The following RAB32 variants were observed in gnomAD, a reference collection of about 807,000 sequenced individuals.
The protein encoded by RAB32 is RAB32, member RAS oncogene family, also known as ras-related protein Rab-32.
RAB32 carries 17 observed loss-of-function variants against 17.5 expected under a neutral mutation model. The observed-to-expected ratio is 0.97, with a 90% CI of 0.67 to 1.46. The LOEUF (loss-of-function observed/expected upper bound fraction) is 1.46, where lower values mean the gene tolerates loss of function less well. RAB32 is among the 40% of genes most tolerant of loss of function. The probability of loss-of-function intolerance (pLI) is 0.00; values close to 1 mark genes in which losing one functional copy is unlikely to be tolerated. For synonymous variants in RAB32, 115 were observed against 111.1 expected (o/e 1.04, Z -0.22); for missense variants, 288 against 284.3 (o/e 1.01, Z -0.09).
intron 2 of RAB32, among the ~76,000 whole-genome samples, chr6:146,552,756 A>G (rs1779912431): frequency 6.6e-6 from 1 of 152,180 alleles, no homozygotes; most frequent in Admixed American, 6.5e-5. Context: ...TTTAAATATC[A>G]TTCTCCAGTA....
intron 2 of RAB32, among the ~76,000 whole-genome samples, chr6:146,552,574 G>A (rs770855309): frequency 6.6e-5 from 10 of 152,124 alleles, no homozygotes; most frequent in Non-Finnish European, 1.5e-4. Context: ...ATATATATGT[G>A]AGTGTGTATA....
In RAB32 at chr6:146,554,484, G is replaced by A. The variant is rs191765199; in HGVS notation, c.557G>A (p.Arg186Gln). 28 of 1,612,616 alleles carry A rather than the reference G, an allele frequency of 1.7e-5. No homozygotes were observed. Among genetic ancestry groups the A allele is most frequent in the Non-Finnish European group, 2.1e-5 (25 of 1,179,478 alleles). ...KDNINIEEAA[R>Q]FLVEKILVNH... The stretch of plus-strand genomic sequence containing the variant: ...AACATAAACATAGAGGAAGCTGCCC[G>A]GTTCCTAGTGGAGAAGATTCTTGTA... Residue 186 changes from arginine to glutamine, a missense_variant, in exon 3 of 3, where the codon CGG becomes CAG. Transcript: ENST00000367495.
intron 1 of RAB32, among the ~76,000 whole-genome samples, chr6:146,544,338 G>A (rs1779794337): frequency 6.6e-6 from 1 of 152,130 alleles, no homozygotes; most frequent in South Asian, 2.1e-4. Context: ...AGCAGGTCCT[G>A]CACGCCAGAG....
chr6:146,550,669 A>T lies in RAB32; in HGVS notation c.528+928A>T, dbSNP rs183666243. Reference sequence around the variant, plus strand: ...GAGACCCCATCTCAAAAAAAAAAAAATCTTAATAGTCTAGATATAGAAAAA... The same window carrying T: ...GAGACCCCATCTCAAAAAAAAAAAATTCTTAATAGTCTAGATATAGAAAAA... On this transcript the variant is annotated intron_variant, in intron 2 of 2. Transcript: ENST00000367495. Among the ~76,000 whole-genome samples the T allele has an allele frequency of 3.8e-3, 560 of 147,230 alleles. 6 individuals are homozygous for T. Among genetic ancestry groups the T allele is most frequent in the African/African-American group, 0.013 (537 of 39,834 alleles).
chr6:146,552,915 C>T (rs191693021), intron 2 of RAB32, among the ~76,000 whole-genome samples: 158 of 152,238 alleles, frequency 1.0e-3, no homozygotes, highest in African/African-American at 3.5e-3. Flanking sequence ...CAGGATACTG[C>T]CATACAAGCT....
chr6:146,549,536 T>C lies in RAB32; in HGVS notation c.323T>C (p.Ile108Thr), dbSNP rs759012833. The C allele has an allele frequency of 6.2e-7, 1 of 1,614,162 alleles. No homozygotes were observed. The highest frequency in any genetic ancestry group is 1.1e-5 in the South Asian group (1 of 91,090). The change falls in exon 2 of 3, where the codon ATA (isoleucine) becomes ACA (threonine). Residue 108 changes from isoleucine (I) to threonine (T), a missense_variant. By Grantham distance (89) the Ile-to-Thr change is moderately conservative. Coordinates refer to ENST00000367495, the MANE Select transcript of RAB32 (RefSeq NM_006834.5). ...EAVGAFVVFD[I>T]SRSSTFEAVL... is the part of the protein sequence containing the mutation. The stretch of plus-strand genomic sequence containing the variant: ...GTTGGTGCTTTTGTAGTCTTTGATA[T>C]ATCAAGAAGTTCCACATTTGAGGCA...
chr6:146,546,047 A>G (rs1388730380), intron 1 of RAB32, among the ~76,000 whole-genome samples: 1 of 152,224 alleles, frequency 6.6e-6, no homozygotes, highest in African/African-American at 2.4e-5. Flanking sequence ...GGAGTAAGAT[A>G]CAAATTTTCT....
chr6:146,544,324 T>C (rs1382223305), intron 1 of RAB32, among the ~76,000 whole-genome samples: 2 of 151,380 alleles, frequency 1.3e-5, no homozygotes, highest in African/African-American at 4.9e-5. Context: ...GCAGTAGGAG[T>C]TGGAGCAGGT....
intron 1 of RAB32, among the ~76,000 whole-genome samples, chr6:146,546,751 TAA>T (rs1779826889): frequency 6.6e-6 from 1 of 150,608 alleles, no homozygotes; most frequent in Admixed American, 6.6e-5. Flanking sequence ...TTGCCATAAC[TAA>T]GTTAAGGTGT....
intron 1 of RAB32, among the ~76,000 whole-genome samples, chr6:146,549,056 A>C (rs1372795527): frequency 6.6e-6 from 1 of 152,132 alleles, no homozygotes; most frequent in African/African-American, 2.4e-5. Context: ...CATGTTACCC[A>C]CTGCACTTAT....
intron 1 of RAB32, among the ~76,000 whole-genome samples, chr6:146,546,782 GTTTTTTTTTTTTT>G (rs962778741): frequency 1.7e-5 from 2 of 118,518 alleles, no homozygotes; most frequent in Non-Finnish European, 3.4e-5. Context: ...TACTAGTTAG[GTTTTTTTTTTTTT>G]TTTTTTTTTG....
At chr6:146,552,605 CAT>C (rs1480053846) in intron 2 of RAB32, among the ~76,000 whole-genome samples, 14 of 152,198 alleles carry the variant, frequency 9.2e-5, no homozygotes, top group African/African-American at 2.4e-4. Context: ...TGTACACACA[CAT>C]ATGTGTAAAC....
In RAB32 at chr6:146,554,561, G is replaced by T. The variant is rs373922099; in HGVS notation, c.634G>T (p.Asp212Tyr). ...AAACGATGTGGACAAAATTAAGCTA[G>T]ATCAAGAGACCTTGAGAGCAGAGAA... ...EENDVDKIKL[D>Y]QETLRAENKS... The change falls in exon 3 of 3, where the codon GAT (aspartate) becomes TAT (tyrosine). Residue 212 changes from aspartate to tyrosine, a missense_variant. By Grantham distance (160) the Asp-to-Tyr change is radical (BLOSUM62 -3). Coordinates refer to ENST00000367495, the MANE Select transcript of RAB32 (RefSeq NM_006834.5). 3.1e-6 allele frequency: 5 copies of T among 1,613,652 alleles called. No homozygotes were observed. The Admixed American group carries it at 8.3e-5, about 27-fold the overall frequency.
At chr6:146,551,006 A>G (rs1195190427) in intron 2 of RAB32, among the ~76,000 whole-genome samples, 3 of 152,162 alleles carry the variant, frequency 2.0e-5, no homozygotes, top group Non-Finnish European at 4.4e-5. Context: ...TAGCTCTACT[A>G]GAAACTTACC....
chr6:146,550,738 C>T (rs566584509), intron 2 of RAB32, among the ~76,000 whole-genome samples: 1 of 143,940 alleles, frequency 6.9e-6, no homozygotes, highest in Non-Finnish European at 1.5e-5. Context: ...GGGGGGGTTA[C>T]GTGCATTGGA....
At position 146,551,597 on chromosome 6, in the gene RAB32, A is replaced by AT. The variant is rs1004661450; in HGVS notation, c.528+1856_528+1857insT. Among the ~76,000 whole-genome samples the AT allele has an allele frequency of 5.3e-5, 8 of 150,254 alleles. 1 individual carries two copies. The highest frequency in any genetic ancestry group is 7.5e-5 in the African/African-American group (3 of 39,910). On this transcript the variant is annotated intron_variant, in intron 2 of 2. Coordinates refer to ENST00000367495, the MANE Select transcript of RAB32 (RefSeq NM_006834.5). ...CAGCTTTGCTGTAAAAAGACGAAAA[A>AT]AAAAAAAGGGGCAGTAAGTATAACT...
At chr6:146,554,162 C>T (rs1779929931) in intron 2 of RAB32, among the ~76,000 whole-genome samples, 2 of 151,906 alleles carry the variant, frequency 1.3e-5, no homozygotes, top group Non-Finnish European at 2.9e-5. Flanking sequence ...AATTGCAGCC[C>T]AGAGCAAAGA....
intron 1 of RAB32, among the ~76,000 whole-genome samples, chr6:146,546,859 T>G (rs1240833863): frequency 6.7e-6 from 1 of 150,000 alleles, no homozygotes; most frequent in Admixed American, 6.7e-5. Context: ...ATCTCTATGC[T>G]TGAAAGCTGT....
chr6:146,545,646 C>T (rs1407621880), intron 1 of RAB32, among the ~76,000 whole-genome samples: 1 of 152,172 alleles, frequency 6.6e-6, no homozygotes, highest in Non-Finnish European at 1.5e-5. Context: ...AGTAATCAGC[C>T]AGGGACTCAG....
Sources: gnomAD v4.1 joint callset for allele counts (sites outside exome capture counted in the v4.1 genomes callset) on GRCh38, gnomAD v4.1.1 for gene constraint, MANE v1.5 for transcripts, NCBI Gene and HGNC (gene_info 2026-07-23, HGNC 2026-07-21) for gene names.